The following RNLS variants were observed in gnomAD, a reference collection of about 807,000 sequenced individuals.
RNLS encodes the protein renalase, FAD dependent amine oxidase.
A neutral mutation model predicts 39.8 loss-of-function variants in RNLS; 39 were observed. The observed-to-expected ratio is 0.98, with a 90% CI of 0.76 to 1.28. The LOEUF (loss-of-function observed/expected upper bound fraction) is 1.28. Among genes scored for constraint, RNLS ranks in the 50% most tolerant of loss-of-function variants. The pLI is 0.00. For synonymous variants in RNLS, 147 were observed against 150.7 expected (o/e 0.98, Z 0.18); for missense variants, 410 against 413.3 (o/e 0.99, Z 0.07).
the RNLS span, among the ~76,000 whole-genome samples, chr10:88,257,530 G>A: frequency 5.1e-3 from 774 of 152,288 alleles, 2 homozygotes; most frequent in Middle Eastern, 0.031. Flanking sequence ...GCACTGAGAT[G>A]AGCAGATAGT....
chr10:88,575,157 TATACACAC>T (rs1280729897), intron 3 of RNLS, among the ~76,000 whole-genome samples: 3,457 of 36,322 alleles, frequency 0.095, 46 homozygotes, highest in East Asian at 0.16. Flanking sequence ...TATATATATA[TATACACAC>T]ACACACACAC....
chr10:88,318,727 T>G (rs1401180359), intron 5 of RNLS, among the ~76,000 whole-genome samples: 1 of 152,154 alleles, frequency 6.6e-6, no homozygotes, highest in Non-Finnish European at 1.5e-5. Context: ...ATAGCCACAT[T>G]GCAGCTGGGA....
chr10:88,503,236 CT>C (rs1845601309), intron 4 of RNLS, among the ~76,000 whole-genome samples: 1 of 152,080 alleles, frequency 6.6e-6, no homozygotes, highest in Non-Finnish European at 1.5e-5. Flanking sequence ...CAAAAACTAG[CT>C]GGGCATGGTG....
At chr10:88,562,220 AAT>A (rs1467686701) in intron 4 of RNLS, among the ~76,000 whole-genome samples, 1 of 152,170 alleles carries the variant, frequency 6.6e-6, no homozygotes, top group Non-Finnish European at 1.5e-5. Context: ...AGTTTATAAG[AAT>A]ATGTAAACAA....
intron 4 of RNLS, among the ~76,000 whole-genome samples, chr10:88,427,108 C>T (rs568304579): frequency 2.6e-5 from 4 of 152,088 alleles, no homozygotes; most frequent in East Asian, 1.9e-4. Context: ...ATTGGAGATT[C>T]GTGGTTAAAT....
intron 4 of RNLS, among the ~76,000 whole-genome samples, chr10:88,422,121 T>C (rs1854446358): frequency 6.6e-6 from 1 of 152,230 alleles, no homozygotes; most frequent in South Asian, 2.1e-4. Flanking sequence ...TCTATCTTTA[T>C]TTCATTAACT....
At chr10:88,326,918 G>A (rs1846660828) in intron 5 of RNLS, among the ~76,000 whole-genome samples, 1 of 152,172 alleles carries the variant, frequency 6.6e-6, no homozygotes, top group Admixed American at 6.5e-5. Flanking sequence ...GGAGTCAAAG[G>A]AGATCATTTC....
chr10:88,380,575 G>A (rs1763011378), intron 4 of RNLS, among the ~76,000 whole-genome samples: 2 of 150,656 alleles, frequency 1.3e-5, no homozygotes, highest in African/African-American at 2.4e-5. Context: ...TAGTAGAGAC[G>A]GGGTTTCACT....
intron 4 of RNLS, among the ~76,000 whole-genome samples, chr10:88,527,964 G>A (rs1248312386): frequency 6.6e-6 from 1 of 151,750 alleles, no homozygotes; most frequent in Non-Finnish European, 1.5e-5. Flanking sequence ...AGAAAATTCA[G>A]CAGAAGGTTT....
At position 88,524,893 on chromosome 10, in the gene RNLS, C is replaced by A. The variant is rs368927733; in HGVS notation, c.526+48010G>T. ...GCTTCAGCTTATTTTCCCAGTCTGG[C>A]AACCTAATGGCAAGGATCATTTAAA... On this transcript the variant is annotated intron_variant, in intron 4 of 6. Coordinates refer to ENST00000331772, the MANE Select transcript of RNLS (RefSeq NM_001031709.3). Among the ~76,000 whole-genome samples, 20 of 145,230 alleles carry A rather than the reference C, an allele frequency of 1.4e-4. No homozygotes were observed. In the East Asian group the frequency reaches 3.1e-3, roughly 22 times the overall value.
intron 4 of RNLS, among the ~76,000 whole-genome samples, chr10:88,455,353 T>C (rs1434921547): frequency 6.6e-6 from 1 of 152,190 alleles, no homozygotes; most frequent in Non-Finnish European, 1.5e-5. Flanking sequence ...TAAAAACCCA[T>C]GCAAGCAAGG....
chr10:88,314,324 G>C (rs1334811399), intron 6 of RNLS, 142 bp downstream of exon 6: 1 of 788,416 alleles, frequency 1.3e-6, no homozygotes, highest in Non-Finnish European at 2.0e-6. Flanking sequence ...TTATATTTAT[G>C]TGTTGGGCAA....
At chr10:88,576,611 T>C (rs574098738) in intron 3 of RNLS, among the ~76,000 whole-genome samples, 1 of 152,216 alleles carries the variant, frequency 6.6e-6, no homozygotes, top group African/African-American at 2.4e-5. Context: ...TCCTCTAGCT[T>C]CTCTAAAAAG....
intron 4 of RNLS, among the ~76,000 whole-genome samples, chr10:88,455,480 C>A (rs1842577166): frequency 6.6e-6 from 1 of 152,118 alleles, no homozygotes; most frequent in South Asian, 2.1e-4. Flanking sequence ...GATTTCGGCT[C>A]ACTGCAAGCT....
At chr10:88,335,259 C>T (rs2133187620) in intron 5 of RNLS, among the ~76,000 whole-genome samples, 1 of 151,590 alleles carries the variant, frequency 6.6e-6, no homozygotes, top group East Asian at 1.9e-4. Context: ...GCTCTATTAC[C>T]CAGGCTGGAG....
At chr10:88,397,047 T>C (rs1852604853) in intron 4 of RNLS, among the ~76,000 whole-genome samples, 1 of 151,878 alleles carries the variant, frequency 6.6e-6, no homozygotes, top group African/African-American at 2.4e-5. Context: ...CTTTCAATAA[T>C]GGATAGAACA....
chr10:88,444,951 T>C (rs943535785), intron 4 of RNLS, among the ~76,000 whole-genome samples: 1 of 152,082 alleles, frequency 6.6e-6, no homozygotes, highest in Non-Finnish European at 1.5e-5. Flanking sequence ...AACATTCAAA[T>C]TCAGGAAATA....
intron 4 of RNLS, among the ~76,000 whole-genome samples, chr10:88,527,872 G>T (rs11202765): frequency 6.6e-6 from 1 of 151,340 alleles, no homozygotes; most frequent in African/African-American, 2.4e-5. Flanking sequence ...TGGGAAAAAA[G>T]TTTGTTATCC....
At chr10:88,198,121 GC>G in the RNLS span, among the ~76,000 whole-genome samples, 1 of 152,350 alleles carries the variant, frequency 6.6e-6, no homozygotes, top group Non-Finnish European at 1.5e-5. Context: ...CAGGCCAGCA[GC>G]CCCACCCCAG....
Sources: gnomAD v4.1 joint callset for allele counts (sites outside exome capture counted in the v4.1 genomes callset) on GRCh38, gnomAD v4.1.1 for gene constraint, MANE v1.5 for transcripts, NCBI Gene and HGNC (gene_info 2026-07-23, HGNC 2026-07-21) for gene names.